The following GPC5 variants were observed in gnomAD, a reference collection of about 807,000 sequenced individuals.
GPC5 encodes the protein glypican 5, also known as glypican-5.
A neutral mutation model predicts 53.9 loss-of-function variants in GPC5; 47 were observed. The observed-to-expected ratio is 0.87, with a 90% CI of 0.69 to 1.11. The LOEUF is 1.11. Among genes scored for constraint, GPC5 ranks in the 50% most tolerant of loss-of-function variants. GPC5 has a pLI of 0.00. For synonymous variants in GPC5, 286 were observed against 263.3 expected, an observed-to-expected ratio of 1.09 and a Z score of -0.84; for missense variants, 748 against 713.1, an observed-to-expected ratio of 1.05 and a Z score of -0.56.
At chr13:92,624,753 C>T (rs1884991871) in intron 7 of GPC5, among the ~76,000 whole-genome samples, 2 of 152,174 alleles carry the variant, frequency 1.3e-5, no homozygotes, top group Admixed American at 1.3e-4. Flanking sequence ...AGGAGGTACA[C>T]CTGCTTCTTC....
intron 2 of GPC5, among the ~76,000 whole-genome samples, chr13:91,587,504 A>C (rs1277459854): frequency 6.6e-6 from 1 of 152,080 alleles, no homozygotes; most frequent in African/African-American, 2.4e-5. Context: ...TTAACCTTCA[A>C]ATCAGCCTTC....
At chr13:92,641,919 G>T (rs1457757893) in intron 7 of GPC5, among the ~76,000 whole-genome samples, 1 of 152,012 alleles carries the variant, frequency 6.6e-6, no homozygotes, top group Non-Finnish European at 1.5e-5. Flanking sequence ...TCTGTGCCAT[G>T]ACTCCTGATC....
intron 5 of GPC5, among the ~76,000 whole-genome samples, chr13:91,824,458 T>C (rs1186722290): frequency 6.6e-6 from 1 of 152,104 alleles, no homozygotes; most frequent in Admixed American, 6.6e-5. Flanking sequence ...AATCCAGTTT[T>C]GCAACATGGC....
chr13:91,671,893 A>G lies in GPC5; in HGVS notation c.326-21294A>G, dbSNP rs1442204262. Reference sequence around the variant, plus strand: ...CAGCATAGTACTGGTATCAAAACAGACATAGAGACCAAGGGAACAGAACAG... The same window carrying G: ...CAGCATAGTACTGGTATCAAAACAGGCATAGAGACCAAGGGAACAGAACAG... On this transcript the variant is annotated intron_variant, in intron 2 of 7. Transcript: ENST00000377067. 2.0e-5 allele frequency among the ~76,000 whole-genome samples: 3 copies of G among 151,918 alleles called. No individual in the cohort carries two copies. The East Asian group carries it at 5.8e-4, about 29-fold the overall frequency.
intron 6 of GPC5, among the ~76,000 whole-genome samples, chr13:91,921,474 A>G (rs2039713798): frequency 6.6e-6 from 1 of 152,212 alleles, no homozygotes; most frequent in Non-Finnish European, 1.5e-5. Context: ...TTGAGAAAAA[A>G]TGAAATAAAT....
intron 5 of GPC5, among the ~76,000 whole-genome samples, chr13:91,796,363 G>A (rs892029222): frequency 2.0e-5 from 3 of 152,156 alleles, no homozygotes; most frequent in Non-Finnish European, 2.9e-5. Context: ...GGTCTGCAAT[G>A]ACAGCAATCA....
At chr13:91,602,518 C>T (rs1051396405) in intron 2 of GPC5, among the ~76,000 whole-genome samples, 9 of 152,056 alleles carry the variant, frequency 5.9e-5, no homozygotes, top group Non-Finnish European at 1.3e-4. Flanking sequence ...TGTCTTTAAC[C>T]ACTGCACCAA....
intron 5 of GPC5, among the ~76,000 whole-genome samples, chr13:91,874,314 C>T (rs898122106): frequency 1.7e-4 from 26 of 152,094 alleles, no homozygotes; most frequent in Admixed American, 3.3e-4. Context: ...TGATTTTACA[C>T]GGTTGAGGTA....
chr13:92,161,991 A>ATATG (rs1471045940), intron 7 of GPC5, among the ~76,000 whole-genome samples: 1 of 129,484 alleles, frequency 7.7e-6, no homozygotes, highest in Non-Finnish European at 1.6e-5. Flanking sequence ...ATATATATAT[A>ATATG]TATATGAAAC....
At chr13:92,327,095 A>G (rs1365448302) in intron 7 of GPC5, among the ~76,000 whole-genome samples, 1 of 152,116 alleles carries the variant, frequency 6.6e-6, no homozygotes, top group Non-Finnish European at 1.5e-5. Flanking sequence ...GCAGGGAAAA[A>G]TGGTCTCTTT....
At chr13:91,935,959 A>C (rs904978553) in intron 6 of GPC5, among the ~76,000 whole-genome samples, 1 of 151,988 alleles carries the variant, frequency 6.6e-6, no homozygotes, top group African/African-American at 2.4e-5. Flanking sequence ...CCAAGATGTA[A>C]TGTACCCAGG....
intron 7 of GPC5, among the ~76,000 whole-genome samples, chr13:92,598,517 C>T (rs1883947449): frequency 6.6e-6 from 1 of 151,858 alleles, no homozygotes. Flanking sequence ...TGCTCTGATC[C>T]TCTCTTATTT....
At chr13:91,567,439 G>A (rs1365138483) in intron 2 of GPC5, among the ~76,000 whole-genome samples, 2 of 152,122 alleles carry the variant, frequency 1.3e-5, no homozygotes, top group Admixed American at 1.3e-4. Context: ...GAGGTCAAAG[G>A]TTATAGCATT....
At chr13:92,838,577 C>A (rs1161414388) in intron 7 of GPC5, among the ~76,000 whole-genome samples, 1 of 151,302 alleles carries the variant, frequency 6.6e-6, no homozygotes, top group Non-Finnish European at 1.5e-5. Flanking sequence ...ACAATTCAAG[C>A]AAAACTTACG....
At chr13:92,692,692 A>C (rs1008187199) in intron 7 of GPC5, among the ~76,000 whole-genome samples, 5 of 149,890 alleles carry the variant, frequency 3.3e-5, no homozygotes, top group Non-Finnish European at 5.9e-5. Flanking sequence ...ATAAATTAAA[A>C]AAAACAAAAC....
chr13:91,477,539 C>T (rs1414140741), intron 2 of GPC5, among the ~76,000 whole-genome samples: 2 of 152,080 alleles, frequency 1.3e-5, no homozygotes, highest in Admixed American at 1.3e-4. Flanking sequence ...AAAAAGGAGT[C>T]CAGTATTCAA....
intron 7 of GPC5, among the ~76,000 whole-genome samples, chr13:92,519,205 A>G (rs1215940182): frequency 2.0e-5 from 3 of 152,210 alleles, no homozygotes; most frequent in East Asian, 3.9e-4. Flanking sequence ...CACTGTCAAC[A>G]TTAGACAGAT....
intron 7 of GPC5, among the ~76,000 whole-genome samples, chr13:92,495,538 A>T (rs925108813): frequency 1.3e-5 from 2 of 152,030 alleles, no homozygotes; most frequent in Non-Finnish European, 2.9e-5. Context: ...GATTCCTCAG[A>T]CTGGGGAGTT....
At chr13:92,383,789 T>A (rs2139311597) in intron 7 of GPC5, among the ~76,000 whole-genome samples, 2 of 151,730 alleles carry the variant, frequency 1.3e-5, no homozygotes, top group African/African-American at 4.8e-5. Context: ...AACTTAAAAT[T>A]TTTTTCTATT....
Sources: allele counts gnomAD v4.1 joint callset (sites outside exome capture counted in the v4.1 genomes callset), GRCh38; gene constraint gnomAD v4.1.1; transcripts MANE v1.5; gene names NCBI Gene and HGNC (gene_info 2026-07-23, HGNC 2026-07-21).